DACH1: variants seen among roughly 807,000 people sequenced by gnomAD.
DACH1 encodes the protein dachshund homolog 1.
Under a neutral mutation model 54.2 loss-of-function variants are expected in DACH1, and 12 were observed. The observed-to-expected ratio is 0.22, with a 90% confidence interval of 0.14 to 0.36. DACH1 has a LOEUF of 0.36. DACH1 is among the 10% of genes least tolerant of loss of function. The probability of loss-of-function intolerance (pLI) is 1.00; values close to 1 mark genes in which losing one functional copy is unlikely to be tolerated. For synonymous variants in DACH1, 386 were observed against 366.2 expected (o/e 1.05, Z -0.62); for missense variants, 805 against 929.8 (o/e 0.87, Z 1.75).
At position 71,623,266 on chromosome 13, in the gene DACH1, C is replaced by T. The variant is rs1002748239; in HGVS notation, c.1126+7290G>A. Among the ~76,000 whole-genome samples the T allele has an allele frequency of 4.0e-5, 6 of 151,538 alleles. No individual in the cohort carries two copies. The East Asian group carries it at 5.8e-4, about 15-fold the overall frequency. ...TTATGAGAGAAAATGCAGAATAATG[C>T]TATCCAATTTCTAGAAAATAATGAA... On this transcript the variant is annotated intron_variant, in intron 3 of 10. Coordinates refer to ENST00000613252, the MANE Select transcript of DACH1 (RefSeq NM_080759.6).
At chr13:71,615,285 TTATC>T (rs1221384005) in intron 3 of DACH1, among the ~76,000 whole-genome samples, 1 of 152,214 alleles carries the variant, frequency 6.6e-6, no homozygotes, top group Non-Finnish European at 1.5e-5. Flanking sequence ...AGGCGTTATT[TTATC>T]TATCAATAGT....
At chr13:71,651,359 C>A (rs1878649859) in intron 2 of DACH1, among the ~76,000 whole-genome samples, 1 of 147,828 alleles carries the variant, frequency 6.8e-6, no homozygotes, top group Non-Finnish European at 1.5e-5. Context: ...CAGAGTGAGA[C>A]CCTGTCTCAC....
At chr13:71,800,473 A>T (rs1412610285) in intron 1 of DACH1, among the ~76,000 whole-genome samples, 1 of 152,062 alleles carries the variant, frequency 6.6e-6, no homozygotes, top group Non-Finnish European at 1.5e-5. Context: ...TTTTAGATGA[A>T]CTTCTTTCTA....
chr13:71,855,971 G>A (rs1293825356), intron 1 of DACH1, among the ~76,000 whole-genome samples: 3 of 151,878 alleles, frequency 2.0e-5, no homozygotes, highest in African/African-American at 7.2e-5. Context: ...TATACATAAA[G>A]AGAAGAATTT....
chr13:71,765,525 C>A (rs1594194065), intron 1 of DACH1, among the ~76,000 whole-genome samples: 1 of 152,168 alleles, frequency 6.6e-6, no homozygotes, highest in East Asian at 1.9e-4. Context: ...ATGTAATGTA[C>A]TGTCTTAAAA....
chr13:71,740,032 G>A (rs1396920228), intron 1 of DACH1, among the ~76,000 whole-genome samples: 1 of 152,142 alleles, frequency 6.6e-6, no homozygotes, highest in East Asian at 1.9e-4. Flanking sequence ...CATTCCTCAT[G>A]AAATCATAAT....
intron 1 of DACH1, among the ~76,000 whole-genome samples, chr13:71,816,388 A>T (rs1390333679): frequency 6.6e-6 from 1 of 151,972 alleles, no homozygotes; most frequent in East Asian, 1.9e-4. Flanking sequence ...AAGATATACC[A>T]TTTGACCCAG....
chr13:71,757,522 CTTT>C (rs71126504), intron 1 of DACH1, among the ~76,000 whole-genome samples: 4 of 128,930 alleles, frequency 3.1e-5, no homozygotes, highest in Non-Finnish European at 3.3e-5. Flanking sequence ...TTTAAAGGTA[CTTT>C]TTTTTTTTTT....
At chr13:71,798,853 A>C (rs1887167284) in intron 1 of DACH1, among the ~76,000 whole-genome samples, 1 of 151,998 alleles carries the variant, frequency 6.6e-6, no homozygotes, top group African/African-American at 2.4e-5. Flanking sequence ...TACATTCTTT[A>C]ATTAATGCCT....
At chr13:71,578,449 A>G (rs1225183701) in intron 3 of DACH1, among the ~76,000 whole-genome samples, 2 of 152,214 alleles carry the variant, frequency 1.3e-5, no homozygotes, top group Non-Finnish European at 2.9e-5. Context: ...ACAAGTTATT[A>G]TCTTTTAGTG....
chr13:71,784,972 T>C (rs917193086), intron 1 of DACH1, among the ~76,000 whole-genome samples: 1 of 152,154 alleles, frequency 6.6e-6, no homozygotes, highest in African/African-American at 2.4e-5. Context: ...CGATGATCAC[T>C]AGAAAAATTT....
chr13:71,676,184 G>A (rs1286347438), intron 2 of DACH1, among the ~76,000 whole-genome samples: 1 of 152,128 alleles, frequency 6.6e-6, no homozygotes, highest in East Asian at 1.9e-4. Context: ...GAAATACAGA[G>A]CATTTATTAT....
At chr13:71,608,038 T>G (rs996593980) in intron 3 of DACH1, among the ~76,000 whole-genome samples, 3 of 150,178 alleles carry the variant, frequency 2.0e-5, no homozygotes, top group African/African-American at 7.5e-5. Context: ...TTAGGCATAT[T>G]AGTAATAGAG....
chr13:71,479,597 A>G (rs1468741723), intron 7 of DACH1, among the ~76,000 whole-genome samples: 1 of 152,186 alleles, frequency 6.6e-6, no homozygotes, highest in African/African-American at 2.4e-5. Context: ...TAGAATATCT[A>G]GATCCAAAGC....
At chr13:71,767,807 A>G (rs958817706) in intron 1 of DACH1, among the ~76,000 whole-genome samples, 23 of 152,054 alleles carry the variant, frequency 1.5e-4, no homozygotes, top group Admixed American at 5.9e-4. Context: ...TTCTAATGGA[A>G]CAGAAATGAT....
chr13:71,785,370 G>A (rs1452855963), intron 1 of DACH1, among the ~76,000 whole-genome samples: 2 of 152,080 alleles, frequency 1.3e-5, no homozygotes, highest in African/African-American at 4.8e-5. Flanking sequence ...GATTTAAAAA[G>A]CACTATCCTG....
At chr13:71,809,612 G>C (rs1360402668) in intron 1 of DACH1, among the ~76,000 whole-genome samples, 1 of 152,160 alleles carries the variant, frequency 6.6e-6, no homozygotes. Context: ...TTGCTGCTAA[G>C]CATATAGTAA....
chr13:71,757,655 C>G (rs1387378320), intron 1 of DACH1, among the ~76,000 whole-genome samples: 1 of 151,524 alleles, frequency 6.6e-6, no homozygotes, highest in African/African-American at 2.4e-5. Context: ...TCCTGAGTAG[C>G]TGGGATTACA....
chr13:71,654,246 C>A (rs566554432), intron 2 of DACH1, among the ~76,000 whole-genome samples: 1 of 151,184 alleles, frequency 6.6e-6, no homozygotes, highest in African/African-American at 2.4e-5. Flanking sequence ...AAAAATAAGC[C>A]GGGTGTGGCG....
Sources: gnomAD v4.1 joint callset for allele counts (sites outside exome capture counted in the v4.1 genomes callset) on GRCh38, gnomAD v4.1.1 for gene constraint, MANE v1.5 for transcripts, NCBI Gene and HGNC (gene_info 2026-07-23, HGNC 2026-07-21) for gene names.